Variants in SNAPC3 observed in about 807,000 individuals in gnomAD.
SNAPC3 encodes small nuclear RNA activating complex polypeptide 3, also known as snRNA-activating protein complex subunit 3.
SNAPC3 carries 56 observed loss-of-function variants against 47.7 expected under a neutral mutation model. That is an observed-to-expected ratio of 1.18 (90% CI 0.95 to 1.47). SNAPC3 has a LOEUF of 1.47. Among genes scored for constraint, SNAPC3 ranks in the 40% most tolerant of loss-of-function variants. The probability of loss-of-function intolerance (pLI) is 0.00; values close to 1 mark genes in which losing one functional copy is unlikely to be tolerated. For synonymous variants in SNAPC3, 235 were observed against 189.9 expected, an observed-to-expected ratio of 1.24 and a Z score of -1.95; for missense variants, 665 against 511.3, an observed-to-expected ratio of 1.30 and a Z score of -2.90.
chr9:15,424,543 A>G (rs1042068350), intron 2 of SNAPC3, among the ~76,000 whole-genome samples: 5 of 141,054 alleles, frequency 3.5e-5, no homozygotes, highest in Non-Finnish European at 7.4e-5. Context: ...AAAAAGACAA[A>G]CACAATATAA....
intron 5 of SNAPC3, among the ~76,000 whole-genome samples, chr9:15,449,555 ATATATATATTT>A (rs1380886755): frequency 2.1e-4 from 8 of 38,666 alleles, no homozygotes; most frequent in African/African-American, 4.4e-4. Context: ...ATATATATAT[ATATATATATTT>A]TTTTTTTTTT....
At chr9:15,443,192 G>A (rs2033646986) in intron 3 of SNAPC3, among the ~76,000 whole-genome samples, 3 of 152,074 alleles carry the variant, frequency 2.0e-5, no homozygotes, top group Admixed American at 1.3e-4. Flanking sequence ...CGTGGGGAGA[G>A]GGGGAGAGGG....
rs1311258307 is a variant in SNAPC3 at position 15,433,655 on chromosome 9, T to G, written c.477+19T>G. 1 of 1,437,330 alleles carries G rather than the reference T, an allele frequency of 7.0e-7. No individual in the cohort carries two copies. The highest frequency in any genetic ancestry group is 2.3e-5 in the East Asian group (1 of 43,984). The allele number at this position is 1,437,330 out of a possible 1,614,324, so 89.0% of individuals were successfully genotyped here. The stretch of plus-strand genomic sequence containing the variant: ...TGAGATGGTAATTAAGAGTCTCATC[T>G]TTTTCACCCTTTTCTCTTAAAACAG... On this transcript the variant is annotated intron_variant, in intron 3 of 8. Transcript: ENST00000380821.
At chr9:15,431,863 A>C (rs1390137306) in intron 2 of SNAPC3, 1 of 151,702 alleles carries the variant, frequency 6.6e-6, no homozygotes, top group African/African-American at 2.4e-5. Flanking sequence ...AGAAAGAACT[A>C]AAGTCTGTAT....
intron 1 of SNAPC3, 47 bp from the exon 2 acceptor site, chr9:15,423,862 C>T (rs372426774): frequency 9.1e-7 from 1 of 1,096,972 alleles, no homozygotes; most frequent in Non-Finnish European, 1.3e-6. Flanking sequence ...CGCTGTGAAC[C>T]AGATGCAGAG....
At chr9:15,456,457 CAA>C (rs2034800746) in intron 7 of SNAPC3, among the ~76,000 whole-genome samples, 1 of 151,920 alleles carries the variant, frequency 6.6e-6, no homozygotes, top group Non-Finnish European at 1.5e-5. Flanking sequence ...GTGTCAAAGA[CAA>C]ACAATTTACA....
chr9:15,453,015 T>C (rs1376149649), intron 6 of SNAPC3, 26 bp from the exon 7 acceptor site: 2 of 1,569,212 alleles, frequency 1.3e-6, no homozygotes, highest in Admixed American at 1.9e-5. Context: ...GGAAAAATGA[T>C]ATATCCTTGC....
chr9:15,433,354 T>C (rs1397791836), intron 2 of SNAPC3, among the ~76,000 whole-genome samples, 198 bp from the exon 3 acceptor site: 1 of 152,140 alleles, frequency 6.6e-6, no homozygotes, highest in African/African-American at 2.4e-5. Context: ...AGAATTTATT[T>C]CCTGTTCTTA....
At position 15,423,188 on chromosome 9, in the gene SNAPC3, G is replaced by A; in HGVS notation, c.309G>A (p.Val103=). The change falls in exon 1 of 9, where the codon GTG becomes GTA. Residue 103 remains valine (V), a synonymous_variant. Transcript: ENST00000380821. Reference sequence around the variant, plus strand: ...AGGCGGCGGCTGAGCTGAGGGCGGTGTGCGGGTGAGTGCGGAGCAAAGGGG... The same window carrying A: ...AGGCGGCGGCTGAGCTGAGGGCGGTATGCGGGTGAGTGCGGAGCAAAGGGG... ...SLEAAAELRA[V]CGLDKLKCLE... The A allele has an allele frequency of 1.3e-6, 2 of 1,576,112 alleles. No individual in the cohort carries two copies. The highest frequency in any genetic ancestry group is 1.7e-6 in the Non-Finnish European group (2 of 1,170,190).
chr9:15,447,328 A>C, intron 5 of SNAPC3, 84 bp downstream of exon 5: 1 of 1,237,768 alleles, frequency 8.1e-7, no homozygotes, highest in African/African-American at 1.5e-5. Flanking sequence ...TAAATGTCCC[A>C]GTAAATCCTT....
rs143002931 is a variant in SNAPC3 at position 15,440,260 on chromosome 9, C to A, written c.478-4342C>A. The stretch of plus-strand genomic sequence containing the variant: ...GCTTCTATATTTACCTGTGTTGTTC[C>A]CTTTAGCAGTATTCTTTATTTCTTC... On this transcript the variant is annotated intron_variant, in intron 3 of 8. Coordinates refer to ENST00000380821, the MANE Select transcript of SNAPC3 (RefSeq NM_001039697.2). 6.0e-4 allele frequency among the ~76,000 whole-genome samples: 91 copies of A among 152,250 alleles called. 1 individual carries two copies. In the East Asian group the frequency reaches 0.017, roughly 28 times the overall value.
At chr9:15,433,925 T>C in intron 3 of SNAPC3, 1 of 217,946 alleles carries the variant, frequency 4.6e-6, no homozygotes, top group Non-Finnish European at 9.0e-6. Flanking sequence ...TCTGGTCTTT[T>C]TGTTCTGCTC....
At chr9:15,453,819 C>T (rs971844744) in intron 7 of SNAPC3, among the ~76,000 whole-genome samples, 26 of 152,172 alleles carry the variant, frequency 1.7e-4, no homozygotes, top group African/African-American at 5.8e-4. Flanking sequence ...TGCTCCATTG[C>T]TGGTTTGATT....
intron 3 of SNAPC3, among the ~76,000 whole-genome samples, chr9:15,439,331 C>T (rs777805283): frequency 1.3e-5 from 2 of 152,192 alleles, no homozygotes; most frequent in Non-Finnish European, 2.9e-5. Context: ...TATATATCTT[C>T]TTGCTGGATG....
intron 2 of SNAPC3, among the ~76,000 whole-genome samples, chr9:15,432,764 A>G (rs78358296): frequency 0.01 from 1,528 of 152,340 alleles, 28 homozygotes; most frequent in African/African-American, 0.035. Context: ...AGATCCAATG[A>G]ATAAATGTAG....
chr9:15,432,655 A>G (rs545254325), intron 2 of SNAPC3, among the ~76,000 whole-genome samples: 5 of 152,348 alleles, frequency 3.3e-5, no homozygotes, highest in East Asian at 1.9e-4. Flanking sequence ...GAATAAAACA[A>G]TTATCTGTAG....
At chr9:15,424,092 C>G (rs1330032512) in intron 2 of SNAPC3, 106 bp downstream of exon 2, 10 of 534,896 alleles carry the variant, frequency 1.9e-5, no homozygotes, top group Non-Finnish European at 2.3e-5. Flanking sequence ...ATACCCACCC[C>G]TTAAATTCAG....
intron 5 of SNAPC3, among the ~76,000 whole-genome samples, chr9:15,449,736 A>C (rs767264283): frequency 4.0e-5 from 6 of 150,866 alleles, no homozygotes; most frequent in Non-Finnish European, 7.4e-5. Flanking sequence ...ATGCCCGGCT[A>C]ATTTTTGTAT....
At chr9:15,444,101 C>G (rs1239877023) in intron 3 of SNAPC3, among the ~76,000 whole-genome samples, 1 of 152,130 alleles carries the variant, frequency 6.6e-6, no homozygotes, top group Non-Finnish European at 1.5e-5. Flanking sequence ...ATTTAGCACA[C>G]ATAAAAGATC....
Sources: gnomAD v4.1 joint callset for allele counts (sites outside exome capture counted in the v4.1 genomes callset) on GRCh38, gnomAD v4.1.1 for gene constraint, MANE v1.5 for transcripts, NCBI Gene and HGNC (gene_info 2026-07-23, HGNC 2026-07-21) for gene names.